Variants in WFDC1 observed in about 807,000 individuals in gnomAD.
The protein encoded by WFDC1 is WAP four-disulfide core domain protein 1.
Under a neutral mutation model 32.9 loss-of-function variants are expected in WFDC1, and 39 were observed. The ratio of observed to expected loss-of-function variants is 1.19; its 90% CI spans 0.92 to 1.55. The LOEUF (loss-of-function observed/expected upper bound fraction) is 1.55. Among genes scored for constraint, WFDC1 ranks in the 40% most tolerant of loss-of-function variants. WFDC1 has a pLI of 0.00. For missense variants in WFDC1, 386 were observed against 309.5 expected, an observed-to-expected ratio of 1.25 and a Z score of -1.85; for synonymous variants, 184 against 137.4, an observed-to-expected ratio of 1.34 and a Z score of -2.37.
rs117279775 is a variant in WFDC1 at position 84,296,929 on chromosome 16, G to C, written c.144+1814G>C. 4.0e-3 allele frequency: 608 copies of C among 152,232 alleles called. 2 individuals carry two copies. The highest frequency in any genetic ancestry group is 6.9e-3 in the Non-Finnish European group (466 of 68,022). 9.4% of individuals were successfully genotyped at this position (152,232 alleles called of 1,614,324 possible). ...GAGGGGAGGCATTGAGGAGGGGTGA[G>C]AGACTCTTCTCAGATTTTATTGACT... is the stretch of plus-strand genomic sequence containing the variant. On this transcript the variant is annotated intron_variant, in intron 1 of 6. Coordinates refer to ENST00000219454, the MANE Select transcript of WFDC1 (RefSeq NM_021197.4).
intron 1 of WFDC1, among the ~76,000 whole-genome samples, chr16:84,311,286 C>A (rs1212527673): frequency 1.3e-5 from 2 of 151,542 alleles, no homozygotes; most frequent in Non-Finnish European, 2.9e-5. Context: ...ACTCTGTCAC[C>A]CAGCCTGGAG....
chr16:84,313,744 A>G (rs1907787527), intron 2 of WFDC1, among the ~76,000 whole-genome samples: 1 of 152,176 alleles, frequency 6.6e-6, no homozygotes, highest in Admixed American at 6.5e-5. Context: ...TGCCCCAGAG[A>G]GGAGCGGGTG....
chr16:84,308,192 C>A lies in WFDC1; in HGVS notation c.145-4769C>A, dbSNP rs1443110866. On this transcript the variant is annotated intron_variant, in intron 1 of 6. Transcript: ENST00000219454. ...CCTGCTTGGCCATTCCTGCTCTCTG[C>A]CCCTCATGCCCTCAGTCTCAGGCCC... Among the ~76,000 whole-genome samples the A allele has an allele frequency of 2.0e-5, 3 of 152,146 alleles. No homozygotes were observed. The East Asian group carries it at 5.8e-4, about 29-fold the overall frequency.
At position 84,319,578 on chromosome 16, in the gene WFDC1, G is replaced by A. The variant is rs749695073; in HGVS notation, c.562+7G>A. On this transcript the variant is annotated splice_region_variant and intron_variant, in intron 4 of 6. Transcript: ENST00000219454. ...AAGCAGCGCCGGCAAGCAGGTGAGT[G>A]TGGCACCCCAGCCCTGATCCTGGCT... is the stretch of plus-strand genomic sequence containing the variant. The A allele has an allele frequency of 1.9e-6, 3 of 1,611,410 alleles. No homozygotes were observed. Among genetic ancestry groups the A allele is most frequent in the East Asian group, 2.2e-5 (1 of 44,882 alleles).
At chr16:84,305,781 C>T (rs939786607) in intron 1 of WFDC1, among the ~76,000 whole-genome samples, 1 of 151,664 alleles carries the variant, frequency 6.6e-6, no homozygotes, top group Non-Finnish European at 1.5e-5. Context: ...GCAGGCAGAT[C>T]ACCTGAGCTC....
intron 1 of WFDC1, 54 bp from the exon 2 acceptor site, chr16:84,312,907 C>A: frequency 1.8e-6 from 2 of 1,095,882 alleles, no homozygotes; most frequent in Non-Finnish European, 2.2e-6. Context: ...CTCCGGGTGG[C>A]GCCGGGACTC....
At chr16:84,310,099 G>T (rs746803255) in intron 1 of WFDC1, among the ~76,000 whole-genome samples, 1 of 152,112 alleles carries the variant, frequency 6.6e-6, no homozygotes, top group Non-Finnish European at 1.5e-5. Flanking sequence ...GACACAGGAG[G>T]CTCGAGGCCC....
chr16:84,296,430 G>A (rs2151362065), intron 1 of WFDC1, among the ~76,000 whole-genome samples: 2 of 152,294 alleles, frequency 1.3e-5, no homozygotes, highest in Middle Eastern at 3.4e-3. Flanking sequence ...GGTAGCACGG[G>A]ATGCGTGTGC....
intron 4 of WFDC1, among the ~76,000 whole-genome samples, chr16:84,322,023 C>T (rs1350344668): frequency 6.6e-6 from 1 of 152,160 alleles, no homozygotes; most frequent in Non-Finnish European, 1.5e-5. Flanking sequence ...TGTAGGTCCT[C>T]AGTGAATGTG....
At chr16:84,295,390 T>C (rs1906535753) in intron 1 of WFDC1, 1 of 499,844 alleles carries the variant, frequency 2.0e-6, no homozygotes, top group Non-Finnish European at 3.5e-6. Context: ...AAAGTATGCT[T>C]GCTCCTGAAA....
intron 1 of WFDC1, among the ~76,000 whole-genome samples, chr16:84,304,229 C>T (rs1053266399): frequency 1.1e-4 from 16 of 152,194 alleles, no homozygotes; most frequent in Admixed American, 7.2e-4. Flanking sequence ...TATTTTTGTT[C>T]ATCTATATGA....
chr16:84,317,009 C>G (rs541853307), intron 2 of WFDC1: 4 of 150,490 alleles, frequency 2.7e-5, no homozygotes, highest in Admixed American at 2.6e-4. Context: ...TACAGACTTA[C>G]AGTCCGGGTG....
chr16:84,302,818 C>T (rs1907022774), intron 1 of WFDC1, among the ~76,000 whole-genome samples: 1 of 152,114 alleles, frequency 6.6e-6, no homozygotes, highest in Non-Finnish European at 1.5e-5. Context: ...ACTCGGAACT[C>T]CCCATTTCCA....
intron 1 of WFDC1, among the ~76,000 whole-genome samples, chr16:84,298,211 G>A (rs1906725089): frequency 6.6e-6 from 1 of 151,994 alleles, no homozygotes; most frequent in Admixed American, 6.6e-5. Flanking sequence ...CGGCTCAAGT[G>A]ATTCTTGTGC....
In WFDC1 at chr16:84,297,537, A is replaced by T. The variant is rs1422146837; in HGVS notation, c.144+2422A>T. Among the ~76,000 whole-genome samples, 9 of 147,060 alleles carry T rather than the reference A, an allele frequency of 6.1e-5. 1 individual carries two copies. Among genetic ancestry groups the T allele is most frequent in the South Asian group, 4.4e-4 (2 of 4,504 alleles). ...AAGGCTGAGGTGGAAGAATTGCTTG[A>T]ACCCGGGAGGTGGAGGTTATAGTGA... On this transcript the variant is annotated intron_variant, in intron 1 of 6. Transcript: ENST00000219454.
intron 1 of WFDC1, among the ~76,000 whole-genome samples, chr16:84,311,790 G>T (rs180792792): frequency 1.1e-3 from 158 of 143,638 alleles, no homozygotes; most frequent in African/African-American, 3.9e-3. Context: ...CACCCACCTT[G>T]ACTTCTGGAA....
chr16:84,324,597 A>G, intron 5 of WFDC1, 137 bp downstream of exon 5: 2 of 953,916 alleles, frequency 2.1e-6, no homozygotes, highest in East Asian at 2.5e-5. Context: ...GAAACAAAAT[A>G]GAAGACCTGT....
rs1282496288 is a variant in WFDC1 at position 84,294,992 on chromosome 16, G to T, written c.21G>T (p.Gly7=). 1.2e-6 allele frequency: 2 copies of T among 1,613,772 alleles called. No homozygotes were observed. Among genetic ancestry groups the T allele is most frequent in the Non-Finnish European group, 1.7e-6 (2 of 1,179,884 alleles). MPLTGV[G]PGSCRRQIIR... is the part of the protein sequence containing the mutation. ...AGGAAATGCCTTTAACCGGCGTGGG[G>T]CCGGGCAGCTGCAGGAGGCAGATCA... is the stretch of plus-strand genomic sequence containing the variant. The change falls in exon 1 of 7, where the codon GGG becomes GGT. Residue 7 remains glycine (G), a synonymous_variant. Coordinates refer to ENST00000219454, the MANE Select transcript of WFDC1 (RefSeq NM_021197.4).
intron 2 of WFDC1, among the ~76,000 whole-genome samples, chr16:84,315,624 C>G (rs1265987249): frequency 6.6e-6 from 1 of 152,226 alleles, no homozygotes; most frequent in Non-Finnish European, 1.5e-5. Context: ...CAGGGGGGCG[C>G]TCTCCCGTGC....
Sources: allele counts gnomAD v4.1 joint callset (sites outside exome capture counted in the v4.1 genomes callset), GRCh38; gene constraint gnomAD v4.1.1; transcripts MANE v1.5; gene names NCBI Gene and HGNC (gene_info 2026-07-23, HGNC 2026-07-21).